The following ZDHHC21 variants were observed in gnomAD, a reference collection of about 807,000 sequenced individuals.
ZDHHC21 encodes zDHHC palmitoyltransferase 21, also known as palmitoyltransferase ZDHHC21.
ZDHHC21 carries 15 observed loss-of-function variants against 34.6 expected under a neutral mutation model. That is an observed-to-expected ratio of 0.43 (90% CI 0.29 to 0.67). The LOEUF (loss-of-function observed/expected upper bound fraction) is 0.67, where lower values mean the gene tolerates loss of function less well. Among genes scored for constraint, ZDHHC21 ranks in the 30% least tolerant of loss-of-function variants. ZDHHC21 has a pLI of 0.14. For missense variants in ZDHHC21, 344 were observed against 327.7 expected, an observed-to-expected ratio of 1.05 and a Z score of -0.38; for synonymous variants, 142 against 101.8, an observed-to-expected ratio of 1.40 and a Z score of -2.38.
intron 2 of ZDHHC21, chr9:14,683,561 G>C (rs1357855016): frequency 6.6e-6 from 1 of 152,050 alleles, no homozygotes; most frequent in Non-Finnish European, 1.5e-5. Flanking sequence ...ATAATTAATA[G>C]CTTACCAACC....
intron 5 of ZDHHC21, among the ~76,000 whole-genome samples, chr9:14,670,987 T>C (rs757777645): frequency 8.5e-5 from 13 of 152,114 alleles, no homozygotes; most frequent in Non-Finnish European, 1.8e-4. Context: ...ATTTTTGTAC[T>C]AGCCAAGTAA....
At chr9:14,661,227 T>C (rs758731215) in intron 6 of ZDHHC21, among the ~76,000 whole-genome samples, 3 of 152,234 alleles carry the variant, frequency 2.0e-5, no homozygotes, top group Admixed American at 2.0e-4. Context: ...TTAAACAGTC[T>C]ATGCAAAAAA....
intron 8 of ZDHHC21, among the ~76,000 whole-genome samples, chr9:14,626,894 C>G (rs1826335689): frequency 6.6e-6 from 1 of 151,848 alleles, no homozygotes; most frequent in South Asian, 2.1e-4. Flanking sequence ...ATTGGGAATA[C>G]TACATTAGAA....
At chr9:14,650,150 A>G (rs1002889500) in intron 7 of ZDHHC21, among the ~76,000 whole-genome samples, 3 of 151,986 alleles carry the variant, frequency 2.0e-5, no homozygotes. Context: ...TCCATCTCTC[A>G]CTAAAAGCGT....
intron 2 of ZDHHC21, among the ~76,000 whole-genome samples, chr9:14,687,293 A>C (rs1350361260): frequency 2.7e-5 from 4 of 150,844 alleles, no homozygotes; most frequent in Non-Finnish European, 5.9e-5. Context: ...CACTGCAGAC[A>C]CAGCCTCTGA....
At chr9:14,644,199 G>C (rs1284870442) in intron 7 of ZDHHC21, among the ~76,000 whole-genome samples, 1 of 151,974 alleles carries the variant, frequency 6.6e-6, no homozygotes, top group Non-Finnish European at 1.5e-5. Context: ...TTGTTTGTGA[G>C]CATATAAAAA....
At position 14,618,279 on chromosome 9, in the gene ZDHHC21, T is replaced by C. The variant is rs886411435; in HGVS notation, c.*687A>G. ...GTAATAGTGAAAATTGAAAAAATTA[T>C]TGTGAAAAAAATTTTAACATTTCCT... On this transcript the variant is annotated 3_prime_UTR_variant, in exon 10 of 10. Coordinates refer to ENST00000380916, the MANE Select transcript of ZDHHC21 (RefSeq NM_178566.6). 3.3e-5 allele frequency: 5 copies of C among 152,528 alleles called. No individual in the cohort carries two copies. Among genetic ancestry groups the C allele is most frequent in the Admixed American group, 2.6e-4 (4 of 15,244 alleles). The allele number at this position is 152,528 out of a possible 1,614,324, so 9.4% of individuals were successfully genotyped here. A position where few individuals can be genotyped will look rare whatever the true frequency, so the allele number is the denominator to read the frequency against.
At chr9:14,666,398 T>C (rs1338141245) in intron 5 of ZDHHC21, among the ~76,000 whole-genome samples, 42 of 117,910 alleles carry the variant, frequency 3.6e-4, no homozygotes, top group African/African-American at 1.1e-3. Context: ...ACATTAATAA[T>C]GGGAGACTTT....
At chr9:14,688,289 A>T (rs1248554980) in intron 2 of ZDHHC21, among the ~76,000 whole-genome samples, 1 of 150,950 alleles carries the variant, frequency 6.6e-6, no homozygotes, top group East Asian at 1.9e-4. Flanking sequence ...CTGGCAAAGC[A>T]GCGCCTCCAA....
chr9:14,692,402 G>A (rs1319769736), intron 1 of ZDHHC21, among the ~76,000 whole-genome samples: 2 of 152,112 alleles, frequency 1.3e-5, no homozygotes, highest in African/African-American at 2.4e-5. Flanking sequence ...CCTTTGGACT[G>A]TAACTTTACA....
At position 14,618,972 on chromosome 9, in the gene ZDHHC21, A is replaced by G. The variant is rs144444121; in HGVS notation, c.792T>C (p.His264=). The G allele has an allele frequency of 1.2e-5, 20 of 1,608,486 alleles. No individual in the cohort carries two copies. In the African/African-American group the frequency reaches 2.3e-4, roughly 18 times the overall value. The part of the protein sequence containing the change: ...PLRVPYHFAN[H]V The stretch of plus-strand genomic sequence containing the variant: ...GTGCCCACCATCCATCTGTTTAGAC[A>G]TGATTGGCAAAGTGGTAGGGAACTC... The change falls in exon 10 of 10, where the codon CAT becomes CAC. Residue 264 remains histidine, a synonymous_variant. Coordinates refer to ENST00000380916, the MANE Select transcript of ZDHHC21 (RefSeq NM_178566.6).
chr9:14,654,857 G>T (rs2133869594), intron 7 of ZDHHC21, among the ~76,000 whole-genome samples: 1 of 152,024 alleles, frequency 6.6e-6, no homozygotes, highest in East Asian at 1.9e-4. Context: ...AATAAATTCA[G>T]AACATATGCA....
chr9:14,684,566 T>G (rs1024061056), intron 2 of ZDHHC21, among the ~76,000 whole-genome samples: 1 of 151,516 alleles, frequency 6.6e-6, no homozygotes, highest in Non-Finnish European at 1.5e-5. Flanking sequence ...AACAAACAAA[T>G]GGAAGAACAT....
chr9:14,608,418 A>G (rs187158943), downstream of ZDHHC21, among the ~76,000 whole-genome samples: 18 of 152,282 alleles, frequency 1.2e-4, no homozygotes, highest in Admixed American at 9.8e-4. Context: ...ACACACTCAA[A>G]TACGTGTCTA....
intron 7 of ZDHHC21, among the ~76,000 whole-genome samples, chr9:14,644,917 A>G (rs1830035358): frequency 6.6e-6 from 1 of 152,070 alleles, no homozygotes; most frequent in African/African-American, 2.4e-5. Flanking sequence ...AAACAAACAC[A>G]AAGAATACCA....
At chr9:14,686,670 A>C (rs1040122257) in intron 2 of ZDHHC21, among the ~76,000 whole-genome samples, 5 of 152,110 alleles carry the variant, frequency 3.3e-5, no homozygotes, top group African/African-American at 1.2e-4. Flanking sequence ...TAGAGACTAA[A>C]CACAGAATTA....
chr9:14,657,094 CT>C (rs1417613438), intron 7 of ZDHHC21, among the ~76,000 whole-genome samples: 1 of 151,896 alleles, frequency 6.6e-6, no homozygotes, highest in Non-Finnish European at 1.5e-5. Context: ...CAGTTTCTAC[CT>C]TTCATTTGGA....
rs534826335 is a variant in ZDHHC21 at position 14,681,882 on chromosome 9, T to C, written c.-175-1720A>G. 3.3e-5 allele frequency among the ~76,000 whole-genome samples: 5 copies of C among 152,172 alleles called. No homozygotes were observed. The South Asian group carries it at 8.3e-4, about 25-fold the overall frequency. ...CAAGCCAGAAGAGAACGGGGGCCAATATTCAACATTCCTAAAGAAAAGGAT... is the reference window on the plus strand; with the variant it reads ...CAAGCCAGAAGAGAACGGGGGCCAACATTCAACATTCCTAAAGAAAAGGAT... On this transcript the variant is annotated intron_variant, in intron 2 of 9. Coordinates refer to ENST00000380916, the MANE Select transcript of ZDHHC21 (RefSeq NM_178566.6).
chr9:14,679,995 CA>C (rs1837092410), intron 3 of ZDHHC21, 37 bp downstream of exon 3: 1 of 152,462 alleles, frequency 6.6e-6, no homozygotes. Flanking sequence ...CCCATAATTC[CA>C]AAATATATCA....
Sources: allele counts gnomAD v4.1 joint callset (sites outside exome capture counted in the v4.1 genomes callset), GRCh38; gene constraint gnomAD v4.1.1; transcripts MANE v1.5; gene names NCBI Gene and HGNC (gene_info 2026-07-23, HGNC 2026-07-21).